Variants in PPP2CB observed in about 807,000 individuals in gnomAD.
PPP2CB encodes the protein protein phosphatase 2 catalytic subunit beta.
A neutral mutation model predicts 39.1 loss-of-function variants in PPP2CB; 18 were observed. That is an observed-to-expected ratio of 0.46 (90% CI 0.32 to 0.68). The LOEUF is 0.68. Ranked by LOEUF, PPP2CB falls within the 30% of genes least tolerant of loss-of-function variation. The pLI is 0.04. For missense variants in PPP2CB, 226 were observed against 396.9 expected (o/e 0.57, Z 3.66); for synonymous variants, 129 against 133.8 (o/e 0.96, Z 0.25).
intron 6 of PPP2CB, among the ~76,000 whole-genome samples, chr8:30,787,194 A>G (rs1451132310): frequency 6.6e-6 from 1 of 152,152 alleles, no homozygotes; most frequent in African/African-American, 2.4e-5. Context: ...TATGTTGGAA[A>G]ATTTTATATC....
intron 1 of PPP2CB, among the ~76,000 whole-genome samples, chr8:30,804,247 TTTATTA>T (rs1318429248): frequency 3.3e-5 from 5 of 152,192 alleles, no homozygotes; most frequent in African/African-American, 7.2e-5. Context: ...GGTATTGCCA[TTTATTA>T]TTATTAAGGT....
At position 30,786,059 on chromosome 8, in the gene PPP2CB, T is replaced by C. The variant is rs965598762; in HGVS notation, c.*176A>G. 6 of 695,654 alleles carry C rather than the reference T, an allele frequency of 8.6e-6. No individual in the cohort carries two copies. The African/African-American group carries it at 8.8e-5, about 10-fold the overall frequency. 43.1% of individuals were successfully genotyped at this position (695,654 alleles called of 1,614,324 possible). The stretch of plus-strand genomic sequence containing the variant: ...TGTACTAAATTTCAGTCTCAAATTG[T>C]GCTAAATGCTCATCATTAGTATGGC... On this transcript the variant is annotated 3_prime_UTR_variant, in exon 7 of 7. Transcript: ENST00000221138.
At chr8:30,791,040 A>AT (rs1484042373) in intron 6 of PPP2CB, 157 bp downstream of exon 6, 2 of 553,412 alleles carry the variant, frequency 3.6e-6, no homozygotes, top group Admixed American at 3.8e-5. Flanking sequence ...TTGAAAAATT[A>AT]TTTTTTAAAA....
intron 1 of PPP2CB, among the ~76,000 whole-genome samples, chr8:30,803,107 C>T (rs1043909408): frequency 6.6e-6 from 1 of 152,188 alleles, no homozygotes; most frequent in African/African-American, 2.4e-5. Context: ...ACTTTTACTT[C>T]GGCTCCTAAA....
rs1806331404 is a variant in PPP2CB at position 30,785,905 on chromosome 8, A to AT, written c.*329dup. ...TATTAATCCATGCCAGTTAAACACT[A>AT]TAACTAAAATTTCCAAATAAGCGCA... is the stretch of plus-strand genomic sequence containing the variant. On this transcript the variant is annotated 3_prime_UTR_variant, in exon 7 of 7. Transcript: ENST00000221138. 4.2e-6 allele frequency: 2 copies of AT among 472,324 alleles called. No individual in the cohort carries two copies. Among genetic ancestry groups the AT allele is most frequent in the Non-Finnish European group, 8.2e-6 (2 of 242,722 alleles). The allele number at this position is 472,324 out of a possible 1,614,324, so 29.3% of individuals were successfully genotyped here. A position where few individuals can be genotyped will look rare whatever the true frequency, so the allele number is the denominator to read the frequency against.
intron 6 of PPP2CB, among the ~76,000 whole-genome samples, chr8:30,786,838 A>ATTT (rs113733552): frequency 6.7e-6 from 1 of 149,262 alleles, no homozygotes; most frequent in Non-Finnish European, 1.5e-5. Flanking sequence ...TAATTTTCTT[A>ATTT]TTTTTTTTTA....
rs773622766 is a variant in PPP2CB at position 30,797,771 on chromosome 8, A to G, written c.313-17T>C. On this transcript the variant is annotated splice_polypyrimidine_tract_variant and intron_variant, in intron 2 of 6. Transcript: ENST00000221138. ...ATAACGCACCTGGAAGAAAAGGAGT[A>G]AAACCCATAGTAAAATCACATTTTT... The G allele has an allele frequency of 6.2e-7, 1 of 1,608,680 alleles. No homozygotes were observed. Among genetic ancestry groups the G allele is most frequent in the South Asian group, 1.1e-5 (1 of 90,264 alleles).
intron 1 of PPP2CB, among the ~76,000 whole-genome samples, chr8:30,808,490 C>A (rs1480213734): frequency 6.6e-6 from 1 of 151,940 alleles, no homozygotes; most frequent in Non-Finnish European, 1.5e-5. Flanking sequence ...AATAGTATTT[C>A]CAATAGAATA....
At chr8:30,812,272 G>C in intron 1 of PPP2CB, 48 bp downstream of exon 1, 1 of 1,369,508 alleles carries the variant, frequency 7.3e-7, no homozygotes, top group Non-Finnish European at 9.6e-7. Flanking sequence ...GAAAGCGGCG[G>C]CCCGTCCCAG....
chr8:30,805,205 G>C (rs1223908527), intron 1 of PPP2CB, among the ~76,000 whole-genome samples: 2 of 152,144 alleles, frequency 1.3e-5, no homozygotes, highest in African/African-American at 4.8e-5. Flanking sequence ...TCATCATCCA[G>C]GACATAAATA....
chr8:30,788,252 CTTGTTTTTTTTT>C lies in PPP2CB; in HGVS notation c.858-1957_858-1946del, dbSNP rs1234130985. On this transcript the variant is annotated intron_variant, in intron 6 of 6. Transcript: ENST00000221138. The stretch of plus-strand genomic sequence containing the variant: ...AGATAGGTTACTGATTTCAAATCTT[CTTGTTTTTTTTT>C]TTGTTTTTTTCTTTCTGAGACAGGG... Among the ~76,000 whole-genome samples, 8 of 151,158 alleles carry C rather than the reference CTTGTTTTTTTTT, an allele frequency of 5.3e-5. No homozygotes were observed. In the South Asian group the frequency reaches 1.0e-3, roughly 20 times the overall value.
At chr8:30,805,622 T>C (rs375483546) in intron 1 of PPP2CB, among the ~76,000 whole-genome samples, 2 of 152,138 alleles carry the variant, frequency 1.3e-5, no homozygotes, top group South Asian at 2.1e-4. Flanking sequence ...CACCGTATCC[T>C]GCATATTAAA....
intron 6 of PPP2CB, among the ~76,000 whole-genome samples, chr8:30,789,463 C>T (rs1458115714): frequency 6.6e-6 from 1 of 152,168 alleles, no homozygotes; most frequent in Non-Finnish European, 1.5e-5. Context: ...CCCTAATGGC[C>T]ACCGGAAATG....
intron 1 of PPP2CB, among the ~76,000 whole-genome samples, chr8:30,808,896 T>G (rs1036898196): frequency 1.3e-5 from 2 of 151,808 alleles, no homozygotes; most frequent in South Asian, 4.2e-4. Context: ...ACTGCGTGCT[T>G]ACTTCTCATT....
chr8:30,798,231 C>T (rs1166707418), intron 2 of PPP2CB, among the ~76,000 whole-genome samples: 4 of 152,148 alleles, frequency 2.6e-5, no homozygotes, highest in African/African-American at 9.7e-5. Flanking sequence ...AACACAAAAA[C>T]AGGCCCTTGA....
intron 3 of PPP2CB, 48 bp from the exon 4 acceptor site, chr8:30,794,329 AAC>A (rs1250774259): frequency 6.2e-6 from 9 of 1,443,730 alleles, no homozygotes; most frequent in Non-Finnish European, 8.7e-6. Flanking sequence ...ACTAACTCCA[AAC>A]AGTTAACAAA....
chr8:30,797,790 C>A (rs756097606), intron 2 of PPP2CB, 36 bp from the exon 3 acceptor site: 7 of 1,594,780 alleles, frequency 4.4e-6, no homozygotes, highest in Non-Finnish European at 6.0e-6. Flanking sequence ...AGTAAAATCA[C>A]ATTTTTACTA....
chr8:30,787,860 G>C (rs552895414), intron 6 of PPP2CB, among the ~76,000 whole-genome samples: 3 of 152,126 alleles, frequency 2.0e-5, no homozygotes, highest in Admixed American at 6.6e-5. Context: ...GAGCCACCAT[G>C]CTGGCTCAAT....
intron 1 of PPP2CB, among the ~76,000 whole-genome samples, chr8:30,807,285 G>A (rs1237288760): frequency 1.3e-5 from 2 of 152,134 alleles, no homozygotes; most frequent in Non-Finnish European, 2.9e-5. Flanking sequence ...TATTTTTTAA[G>A]CTGTAATCAA....
Sources: allele counts gnomAD v4.1 joint callset (sites outside exome capture counted in the v4.1 genomes callset), GRCh38; gene constraint gnomAD v4.1.1; transcripts MANE v1.5; gene names NCBI Gene and HGNC (gene_info 2026-07-23, HGNC 2026-07-21).